The following ANGPTL1 variants were observed in gnomAD, a reference collection of about 807,000 sequenced individuals.
ANGPTL1 encodes the protein angiopoietin-related protein 1.
In ANGPTL1, 36 loss-of-function variants were observed where a neutral mutation model predicts 46.7. The observed-to-expected ratio is 0.77, with a 90% confidence interval of 0.59 to 1.02. The LOEUF (loss-of-function observed/expected upper bound fraction) is 1.02. Among genes scored for constraint, ANGPTL1 ranks in the 50% least tolerant of loss-of-function variants. ANGPTL1 has a pLI of 0.00. For synonymous variants in ANGPTL1, 221 were observed against 204.3 expected, an observed-to-expected ratio of 1.08 and a Z score of -0.69; for missense variants, 571 against 594.7, an observed-to-expected ratio of 0.96 and a Z score of 0.41.
At chr1:178,859,304 A>G (rs555565142) in intron 3 of ANGPTL1, among the ~76,000 whole-genome samples, 1 of 152,256 alleles carries the variant, frequency 6.6e-6, no homozygotes, top group East Asian at 1.9e-4. Context: ...AAGAAGCATT[A>G]TAAATAATTT....
intron 3 of ANGPTL1, among the ~76,000 whole-genome samples, chr1:178,864,269 A>G (rs1045002069): frequency 6.6e-6 from 1 of 152,152 alleles, no homozygotes; most frequent in African/African-American, 2.4e-5. Context: ...TGCATGATCA[A>G]TGCAATAGTT....
intron 2 of ANGPTL1, among the ~76,000 whole-genome samples, chr1:178,868,901 T>C (rs577755836): frequency 6.6e-6 from 1 of 152,182 alleles, no homozygotes; most frequent in Non-Finnish European, 1.5e-5. Context: ...TCTTAAGTAG[T>C]AGACTAGCTA....
Position 178,865,267 on chromosome 1 carries a change from T to C in ANGPTL1, c.510A>G (p.Thr170=), listed in dbSNP as rs758246240. Residue 170 remains threonine, a synonymous_variant, in exon 3 of 6, where the codon ACA becomes ACG. Transcript: ENST00000234816. ...NVTTEMLKMA[T]RYRELEVKYA... ...ATTTCACCTCTAGTTCCCTGTATCT[T>C]GTTGCCATCTTCAACATTTCTGTGG... 3 of 1,614,132 alleles carry C rather than the reference T, an allele frequency of 1.9e-6. No homozygotes were observed. The highest frequency in any genetic ancestry group is 2.5e-6 in the Non-Finnish European group (3 of 1,179,998).
Position 178,851,145 on chromosome 1 carries a change from A to C in ANGPTL1, c.1460T>G (p.Ile487Ser). The change falls in exon 6 of 6, where the codon ATC becomes AGC. Residue 487 changes from isoleucine (I) to serine (S), a missense_variant. Ile to Ser is a moderately radical substitution (Grantham distance 142, BLOSUM62 -2). Transcript: ENST00000234816. ...SYSLRAVQMM[I>S]KPID ...TGTCTCTCTTCAGTCAATAGGCTTG[A>C]TCATCATCTGAACTGCTCTTAAGGA... 6.2e-7 allele frequency: 1 copy of C among 1,613,298 alleles called. No homozygotes were observed. The highest frequency in any genetic ancestry group is 1.1e-5 in the South Asian group (1 of 90,838).
At chr1:178,853,525 A>G in intron 4 of ANGPTL1, 69 bp downstream of exon 4, 2 of 1,231,718 alleles carry the variant, frequency 1.6e-6, no homozygotes, top group Non-Finnish European at 2.2e-6. Context: ...ATTGCATAGC[A>G]TCTTGTTTCT....
intron 3 of ANGPTL1, among the ~76,000 whole-genome samples, chr1:178,859,727 C>T (rs1475768889): frequency 8.8e-6 from 1 of 113,566 alleles, no homozygotes; most frequent in Non-Finnish European, 1.7e-5. Context: ...GAGACGGAGT[C>T]TCGCTCTGTC....
rs143204480 is a variant in ANGPTL1 at position 178,862,365 on chromosome 1, C to T, written c.823+2589G>A. ...ACCAAATCAACTAACACATATTTAG[C>T]AACTGCAGGTAAGACACTGTAACCA... On this transcript the variant is annotated intron_variant, in intron 3 of 5. Coordinates refer to ENST00000234816, the MANE Select transcript of ANGPTL1 (RefSeq NM_004673.4). Among the ~76,000 whole-genome samples, 186 of 152,136 alleles carry T rather than the reference C, an allele frequency of 1.2e-3. 1 individual carries two copies. The highest frequency in any genetic ancestry group is 0.011 in the Admixed American group (174 of 15,294).
Position 178,850,347 on chromosome 1 carries a change from T to A in ANGPTL1, c.*782A>T, listed in dbSNP as rs530172264. 6.5e-6 allele frequency: 1 copy of A among 152,754 alleles called. No individual in the cohort carries two copies. The highest frequency in any genetic ancestry group is 2.1e-4 in the South Asian group (1 of 4,828). 9.5% of individuals were successfully genotyped at this position (152,754 alleles called of 1,614,324 possible). ...CTGTAGCACACTAAATATTCTGCAT[T>A]TTTGTAATACCAATATTTTGCTGAT... is the stretch of plus-strand genomic sequence containing the variant. On this transcript the variant is annotated 3_prime_UTR_variant, in exon 6 of 6. Coordinates refer to ENST00000234816, the MANE Select transcript of ANGPTL1 (RefSeq NM_004673.4).
In ANGPTL1 at chr1:178,852,779, G is replaced by T. The variant is rs140806007; in HGVS notation, c.1192C>A (p.Arg398Ser). ...GCATTTCCCTGGTAAGTTCCCAGGC[G>T]CAGTCTATAGAATTCACTTTCAGGT... ...LEPESEFYRL[R>S]LGTYQGNAGD... is the part of the protein sequence containing the mutation. The change falls in exon 5 of 6, where the codon CGC becomes AGC. Residue 398 changes from arginine to serine, a missense_variant. By Grantham distance (110) the Arg-to-Ser change is moderately radical (BLOSUM62 -1). Transcript: ENST00000234816. 4 of 1,613,834 alleles carry T rather than the reference G, an allele frequency of 2.5e-6. No homozygotes were observed. The highest frequency in any genetic ancestry group is 2.7e-5 in the African/African-American group (2 of 75,010).
chr1:178,864,361 T>C (rs1033749664), intron 3 of ANGPTL1, among the ~76,000 whole-genome samples: 9 of 152,132 alleles, frequency 5.9e-5, no homozygotes, highest in African/African-American at 2.2e-4. Flanking sequence ...AGGGATACCT[T>C]TTCTTGAGGC....
chr1:178,852,319 A>C (rs945519751), intron 5 of ANGPTL1, among the ~76,000 whole-genome samples: 1 of 152,132 alleles, frequency 6.6e-6, no homozygotes, highest in African/African-American at 2.4e-5. Flanking sequence ...GTAAGCTCCA[A>C]AGGGCGGGAA....
chr1:178,864,364 C>T (rs1327983528), intron 3 of ANGPTL1, among the ~76,000 whole-genome samples: 4 of 152,050 alleles, frequency 2.6e-5, no homozygotes, highest in African/African-American at 7.2e-5. Context: ...GATACCTTTT[C>T]TTGAGGCTGA....
intron 3 of ANGPTL1, among the ~76,000 whole-genome samples, chr1:178,864,608 G>A (rs1217933709): frequency 6.6e-6 from 1 of 152,130 alleles, no homozygotes; most frequent in Non-Finnish European, 1.5e-5. Context: ...TAGCAGCGAC[G>A]ACCTAGCTAG....
At position 178,865,523 on chromosome 1, in the gene ANGPTL1, A is replaced by G. The variant is rs755371845; in HGVS notation, c.254T>C (p.Leu85Pro). ...GGAGAGCACATCCTTCAGGTTTTCA[A>G]GGTCCATCCTGGTGATCATGTCTTT... ...TIKDMITRMDLENLKDVLSRQ... is the reference protein window; with the variant it reads ...TIKDMITRMDPENLKDVLSRQ... Residue 85 changes from leucine (L) to proline (P), a missense_variant, in exon 3 of 6, where the codon CTT (leucine) becomes CCT (proline). Leu to Pro is a moderately conservative substitution (Grantham distance 98). Coordinates refer to ENST00000234816, the MANE Select transcript of ANGPTL1 (RefSeq NM_004673.4). 2 of 1,614,092 alleles carry G rather than the reference A, an allele frequency of 1.2e-6. No individual in the cohort carries two copies. The highest frequency in any genetic ancestry group is 1.7e-5 in the Admixed American group (1 of 60,018).
chr1:178,869,089 T>A (rs768163744), intron 2 of ANGPTL1, 25 bp downstream of exon 2: 10 of 152,100 alleles, frequency 6.6e-5, no homozygotes. Context: ...AAGAGAATGT[T>A]ATAAATTAGT....
chr1:178,865,452 C>T lies in ANGPTL1; in HGVS notation c.325G>A (p.Asp109Asn), dbSNP rs759453054. ...TTTACCTCATTCACAATGTTTCCAT[C>T]TACATCCACCACCAGTTGCAGAACA... ...IDVLQLVVDV[D>N]GNIVNEVKLL... The change falls in exon 3 of 6, where the codon GAT becomes AAT. Residue 109 changes from aspartate (D) to asparagine (N), a missense_variant. Physicochemically the swap from Asp to Asn is conservative, Grantham distance 23. Coordinates refer to ENST00000234816, the MANE Select transcript of ANGPTL1 (RefSeq NM_004673.4). 1 of 1,614,008 alleles carries T rather than the reference C, an allele frequency of 6.2e-7. No homozygotes were observed. The highest frequency in any genetic ancestry group is 1.3e-5 in the African/African-American group (1 of 75,048).
intron 3 of ANGPTL1, among the ~76,000 whole-genome samples, chr1:178,863,983 A>G (rs1658212897): frequency 6.6e-6 from 1 of 152,194 alleles, no homozygotes; most frequent in Non-Finnish European, 1.5e-5. Context: ...AATGAGCTGC[A>G]ATTTATTTAC....
rs1657108602 is a variant in ANGPTL1 at position 178,850,577 on chromosome 1, A to G, written c.*552T>C. The G allele has an allele frequency of 6.6e-6, 1 of 152,152 alleles. No individual in the cohort carries two copies. The allele number at this position is 152,152 out of a possible 1,614,324, so 9.4% of individuals were successfully genotyped here. A position where few individuals can be genotyped will look rare whatever the true frequency, so the allele number is the denominator to read the frequency against. ...TGTTTTGGGAAAATCAGCATAGGATATATTATTAAGAATTCAGATTTAATC... is the reference window on the plus strand; with the variant it reads ...TGTTTTGGGAAAATCAGCATAGGATGTATTATTAAGAATTCAGATTTAATC... On this transcript the variant is annotated 3_prime_UTR_variant, in exon 6 of 6. Transcript: ENST00000234816.
rs1657152029 is a variant in ANGPTL1 at position 178,851,225 on chromosome 1, G to A, written c.1380C>T (p.Tyr460=). 1.9e-6 allele frequency: 3 copies of A among 1,613,886 alleles called. No homozygotes were observed. Among genetic ancestry groups the A allele is most frequent in the Admixed American group, 3.3e-5 (2 of 59,982 alleles). ...AAATTCCATCTTGGTGCTTGCTTCTGTAATGGCCTCCTCTGTACCATACTC... is the reference window on the plus strand; with the variant it reads ...AAATTCCATCTTGGTGCTTGCTTCTATAATGGCCTCCTCTGTACCATACTC... ...LNGVWYRGGH[Y]RSKHQDGIFW... is the part of the protein sequence containing the mutation. Residue 460 remains tyrosine, a synonymous_variant, in exon 6 of 6, where the codon TAC becomes TAT. Transcript: ENST00000234816.
Sources: allele counts gnomAD v4.1 joint callset (sites outside exome capture counted in the v4.1 genomes callset), GRCh38; gene constraint gnomAD v4.1.1; transcripts MANE v1.5; gene names NCBI Gene and HGNC (gene_info 2026-07-23, HGNC 2026-07-21).